The following USP9X variants were observed in gnomAD, a reference collection of about 807,000 sequenced individuals.
USP9X encodes the protein ubiquitin specific peptidase 9 X-linked.
USP9X carries 7 observed loss-of-function variants against 190.3 expected under a neutral mutation model. The observed-to-expected ratio is 0.04, with a 90% CI of 0.02 to 0.07. The LOEUF is 0.07. USP9X is among the 10% of genes least tolerant of loss of function. USP9X has a pLI of 1.00. For missense variants in USP9X, 1,010 were observed against 1,916.9 expected (o/e 0.53, Z 8.83); for synonymous variants, 645 against 659.5 (o/e 0.98, Z 0.34).
chrX:41,172,148 CAA>C (rs143523515), intron 21 of USP9X, among the ~76,000 whole-genome samples, 190 bp downstream of exon 21: 1 of 105,243 alleles, frequency 9.5e-6, no homozygotes, highest in African/African-American at 3.5e-5. Context: ...TAAGTGGCTA[CAA>C]AAAAAAAATC....
rs752933286 is a variant in USP9X, at chrX:41,177,165, A to T, written c.3148+5207A>T. ...ACATTAACATAGTATTATTCAAAAT[A>T]AAAAAAATTTAGCATATACAGTAAT... is the stretch of plus-strand genomic sequence containing the variant. On this transcript the variant is annotated intron_variant, in intron 21 of 44. Coordinates refer to ENST00000378308, the MANE Select transcript of USP9X (RefSeq NM_001039591.3). Among the ~76,000 whole-genome samples the T allele has an allele frequency of 1.7e-3, 191 of 111,974 alleles. 1 individual carries two copies. Among genetic ancestry groups the T allele is most frequent in the South Asian group, 2.9e-3 (8 of 2,729 alleles).
intron 6 of USP9X, among the ~76,000 whole-genome samples, chrX:41,137,576 A>T (rs2062386354): frequency 9.0e-6 from 1 of 110,985 alleles, no homozygotes; most frequent in African/African-American, 3.3e-5. Context: ...AATATTATAT[A>T]ATTTTAAAAT....
chrX:41,227,989 C>T (rs776550173), intron 41 of USP9X, among the ~76,000 whole-genome samples: 2 of 111,834 alleles, frequency 1.8e-5, no homozygotes, highest in South Asian at 3.7e-4. Flanking sequence ...TGTGAGCCAC[C>T]GTGCCCATCC....
chrX:41,091,147 G>T (rs1162599919), intron 1 of USP9X, among the ~76,000 whole-genome samples: 1 of 110,779 alleles, frequency 9.0e-6, no homozygotes, highest in East Asian at 2.8e-4. Flanking sequence ...TCGTAGGAGA[G>T]ATTGGATTAA....
chrX:41,184,288 A>G (rs1326891584), intron 22 of USP9X, 109 bp from the exon 23 acceptor site: 2 of 1,009,462 alleles, frequency 2.0e-6, no homozygotes, highest in African/African-American at 2.0e-5. Context: ...GAAATAAATA[A>G]TAGTGAGATG....
chrX:41,099,030 A>G (rs1601931290), intron 1 of USP9X, among the ~76,000 whole-genome samples: 1 of 101,873 alleles, frequency 9.8e-6, no homozygotes, highest in East Asian at 3.3e-4. Flanking sequence ...GGCTCTAGCG[A>G]TTCCTCCCAC....
At chrX:41,182,768 G>T (rs911681487) in intron 21 of USP9X, among the ~76,000 whole-genome samples, 3 of 110,364 alleles carry the variant, frequency 2.7e-5, no homozygotes, top group Non-Finnish European at 5.7e-5. Context: ...GACACGAGAA[G>T]ATATTTATAA....
intron 30 of USP9X, among the ~76,000 whole-genome samples, chrX:41,199,663 A>G (rs926969724): frequency 1.8e-5 from 2 of 111,778 alleles, no homozygotes; most frequent in East Asian, 5.6e-4. Context: ...TCCTGGCCTC[A>G]GGTGATCCAC....
intron 3 of USP9X, among the ~76,000 whole-genome samples, chrX:41,130,650 A>T (rs1316372483): frequency 9.9e-6 from 1 of 101,238 alleles, no homozygotes; most frequent in Non-Finnish European, 2.0e-5. Context: ...CACCATACCC[A>T]GCTAATTTTT....
At chrX:41,125,676 A>ACTCTCTCTCTCTCT (rs1569158725) in intron 2 of USP9X, among the ~76,000 whole-genome samples, 1 of 41,731 alleles carries the variant, frequency 2.4e-5, no homozygotes, top group African/African-American at 1.0e-4. Flanking sequence ...ACACACACAC[A>ACTCTCTCTCTCTCT]CACACACACT....
intron 39 of USP9X, 149 bp downstream of exon 39, chrX:41,223,551 C>T (rs1230260962): frequency 1.8e-6 from 1 of 549,484 alleles, no homozygotes. Context: ...CATTCTCCTG[C>T]CTCAGCCTCC....
intron 24 of USP9X, 44 bp from the exon 25 acceptor site, chrX:41,187,948 C>T: frequency 1.8e-6 from 2 of 1,141,613 alleles, no homozygotes; most frequent in South Asian, 2.0e-5. Context: ...AACATAATTT[C>T]ACTCTCATTC....
chrX:41,210,741 AAAATTTTT>A (rs2063149897), intron 33 of USP9X, 59 bp downstream of exon 33: 2 of 1,101,847 alleles, frequency 1.8e-6, no homozygotes, highest in African/African-American at 3.7e-5. Context: ...TAACAGAAAT[AAAATTTTT>A]ACTAGTACTT....
At chrX:41,143,562 T>G in intron 10 of USP9X, 119 bp downstream of exon 10, 2 of 550,788 alleles carry the variant, frequency 3.6e-6, no homozygotes, top group South Asian at 1.7e-4. Context: ...TGAGAACGTT[T>G]AAATGCTTGT....
At chrX:41,100,597 A>G (rs2062027016) in intron 1 of USP9X, among the ~76,000 whole-genome samples, 1 of 111,585 alleles carries the variant, frequency 9.0e-6, no homozygotes, top group Non-Finnish European at 1.9e-5. Context: ...CTTTCATAAA[A>G]TCTAGCTAAA....
chrX:41,105,324 G>A (rs2062061614), intron 1 of USP9X, among the ~76,000 whole-genome samples: 1 of 111,692 alleles, frequency 9.0e-6, no homozygotes, highest in Non-Finnish European at 1.9e-5. Context: ...ACATCAATGT[G>A]TTGGGGGAAA....
At chrX:41,204,715 A>G (rs928722801) in intron 31 of USP9X, among the ~76,000 whole-genome samples, 4 of 111,824 alleles carry the variant, frequency 3.6e-5, no homozygotes, top group Non-Finnish European at 3.8e-5. Flanking sequence ...GCAGTTGTCT[A>G]CAGTATGTAG....
At chrX:41,101,524 C>A (rs1379550076) in intron 1 of USP9X, among the ~76,000 whole-genome samples, 5 of 110,700 alleles carry the variant, frequency 4.5e-5, no homozygotes, top group African/African-American at 1.6e-4. Flanking sequence ...GAGGTTGGCT[C>A]ACTGCAACCT....
At chrX:41,142,499 G>A (rs1158905950) in intron 9 of USP9X, among the ~76,000 whole-genome samples, 1 of 111,681 alleles carries the variant, frequency 9.0e-6, no homozygotes, top group Non-Finnish European at 1.9e-5. Context: ...GTGTATATAT[G>A]TAGAATAACA....
Sources: gnomAD v4.1 joint callset for allele counts (sites outside exome capture counted in the v4.1 genomes callset) on GRCh38, gnomAD v4.1.1 for gene constraint, MANE v1.5 for transcripts, NCBI Gene and HGNC (gene_info 2026-07-23, HGNC 2026-07-21) for gene names.